Variants in GPC5 observed in about 807,000 individuals in gnomAD.
The protein encoded by GPC5 is glypican-5.
In GPC5, 47 loss-of-function variants were observed where a neutral mutation model predicts 53.9. The observed-to-expected ratio is 0.87, with a 90% CI of 0.69 to 1.11. The LOEUF is 1.11. Among genes scored for constraint, GPC5 ranks in the 50% most tolerant of loss-of-function variants. The pLI, the probability that GPC5 is intolerant of heterozygous loss-of-function variation, is 0.00. For missense variants in GPC5, 748 were observed against 713.1 expected (o/e 1.05, Z -0.56); for synonymous variants, 286 against 263.3 (o/e 1.09, Z -0.84).
intron 5 of GPC5, among the ~76,000 whole-genome samples, chr13:91,856,161 A>G (rs1188551249): frequency 2.0e-5 from 3 of 151,380 alleles, no homozygotes; most frequent in African/African-American, 4.8e-5. Flanking sequence ...TGTGTGGTTC[A>G]TTGTTTTCAT....
At chr13:91,740,872 A>G (rs2036919276) in intron 4 of GPC5, among the ~76,000 whole-genome samples, 1 of 152,172 alleles carries the variant, frequency 6.6e-6, no homozygotes, top group Admixed American at 6.5e-5. Flanking sequence ...GCAAGCTTAA[A>G]TCGGTGATAA....
chr13:92,563,569 AAC>A (rs1882767094), intron 7 of GPC5, among the ~76,000 whole-genome samples: 1 of 152,056 alleles, frequency 6.6e-6, no homozygotes, highest in Non-Finnish European at 1.5e-5. Context: ...AGTGCTCAAT[AAC>A]ATATATTAGT....
intron 2 of GPC5, among the ~76,000 whole-genome samples, chr13:91,451,712 G>C (rs990365330): frequency 6.6e-6 from 1 of 151,924 alleles, no homozygotes; most frequent in Non-Finnish European, 1.5e-5. Context: ...CTGCCTCCCA[G>C]GTTGAAGTGA....
At chr13:91,730,810 A>G (rs923845937) in intron 4 of GPC5, among the ~76,000 whole-genome samples, 3 of 152,124 alleles carry the variant, frequency 2.0e-5, no homozygotes, top group African/African-American at 7.2e-5. Context: ...TCTAAAAAGC[A>G]CTCTATCTCT....
chr13:92,634,383 A>G (rs969769833), intron 7 of GPC5, among the ~76,000 whole-genome samples: 1 of 152,090 alleles, frequency 6.6e-6, no homozygotes, highest in Non-Finnish European at 1.5e-5. Flanking sequence ...GAGAATAAAA[A>G]GGTGAGGCCT....
intron 1 of GPC5, among the ~76,000 whole-genome samples, chr13:91,445,279 C>G (rs1880710840): frequency 6.6e-6 from 1 of 152,188 alleles, no homozygotes; most frequent in Non-Finnish European, 1.5e-5. Flanking sequence ...TACTTGAACA[C>G]ATACACTGCC....
intron 6 of GPC5, among the ~76,000 whole-genome samples, chr13:92,037,434 A>G (rs2040902814): frequency 6.6e-6 from 1 of 152,296 alleles, no homozygotes; most frequent in Non-Finnish European, 1.5e-5. Context: ...TGACTGCTTT[A>G]TTTAACATGA....
intron 7 of GPC5, among the ~76,000 whole-genome samples, chr13:92,645,519 G>A (rs1885738623): frequency 6.6e-6 from 1 of 152,084 alleles, no homozygotes; most frequent in African/African-American, 2.4e-5. Flanking sequence ...GACTTTATAT[G>A]TATTACGTTT....
At chr13:91,692,686 G>A (rs1180215041) in intron 2 of GPC5, among the ~76,000 whole-genome samples, 1 of 151,906 alleles carries the variant, frequency 6.6e-6, no homozygotes, top group Admixed American at 6.6e-5. Context: ...CTCTGTCACC[G>A]AGGCTGGAGT....
intron 7 of GPC5, among the ~76,000 whole-genome samples, chr13:92,362,002 C>T (rs2043571573): frequency 6.6e-6 from 1 of 151,530 alleles, no homozygotes; most frequent in Non-Finnish European, 1.5e-5. Context: ...TTAAAAAAAT[C>T]CTGTAGATGC....
intron 4 of GPC5, among the ~76,000 whole-genome samples, chr13:91,755,899 TG>T (rs1004276129): frequency 2.6e-5 from 4 of 152,010 alleles, no homozygotes; most frequent in Non-Finnish European, 5.9e-5. Context: ...AGTACTCTCG[TG>T]GTGGCTTAGA....
At chr13:92,325,136 G>T (rs1257937040) in intron 7 of GPC5, among the ~76,000 whole-genome samples, 1 of 128,032 alleles carries the variant, frequency 7.8e-6, no homozygotes, top group Non-Finnish European at 1.7e-5. Flanking sequence ...ACACACGTAG[G>T]TATATATACA....
At chr13:91,893,397 T>C (rs1295856641) in intron 5 of GPC5, among the ~76,000 whole-genome samples, 1 of 152,100 alleles carries the variant, frequency 6.6e-6, no homozygotes, top group African/African-American at 2.4e-5. Flanking sequence ...TTTATCACTA[T>C]ATATTTTATA....
chr13:91,702,831 G>A (rs770786565), intron 3 of GPC5, among the ~76,000 whole-genome samples: 1 of 151,896 alleles, frequency 6.6e-6, no homozygotes, highest in Non-Finnish European at 1.5e-5. Flanking sequence ...ATAGTTTTCA[G>A]TGTACATATC....
chr13:91,861,433 A>C (rs557013299), intron 5 of GPC5, among the ~76,000 whole-genome samples: 21 of 152,198 alleles, frequency 1.4e-4, no homozygotes, highest in Admixed American at 2.6e-4. Flanking sequence ...TTGTCCTCTC[A>C]TGAATTGGTT....
intron 2 of GPC5, among the ~76,000 whole-genome samples, chr13:91,480,543 C>T (rs1226766853): frequency 2.0e-5 from 3 of 152,200 alleles, no homozygotes; most frequent in African/African-American, 7.2e-5. Context: ...GTAAAACTTT[C>T]TAAATAATTC....
At chr13:92,539,203 G>A (rs1344432695) in intron 7 of GPC5, among the ~76,000 whole-genome samples, 1 of 151,278 alleles carries the variant, frequency 6.6e-6, no homozygotes, top group Non-Finnish European at 1.5e-5. Flanking sequence ...GGGATCTCTG[G>A]TCAAATGGTA....
chr13:91,742,163 G>T (rs916375803), intron 4 of GPC5, among the ~76,000 whole-genome samples: 3 of 152,102 alleles, frequency 2.0e-5, no homozygotes, highest in African/African-American at 7.2e-5. Context: ...AGACCTACAT[G>T]AATAATGAAG....
At chr13:91,542,057 ACT>A (rs1156898351) in intron 2 of GPC5, among the ~76,000 whole-genome samples, 1 of 120,754 alleles carries the variant, frequency 8.3e-6, no homozygotes, top group African/African-American at 2.9e-5. Flanking sequence ...ATTAAATAAC[ACT>A]CTTAAATCAA....
Sources: gnomAD v4.1 joint callset for allele counts (sites outside exome capture counted in the v4.1 genomes callset) on GRCh38, gnomAD v4.1.1 for gene constraint, MANE v1.5 for transcripts, NCBI Gene and HGNC (gene_info 2026-07-23, HGNC 2026-07-21) for gene names.